Variants in NKD2 observed in about 807,000 individuals in gnomAD.
NKD2 encodes protein naked cuticle homolog 2.
A neutral mutation model predicts 34.8 loss-of-function variants in NKD2; 43 were observed. That is an observed-to-expected ratio of 1.24 (90% CI 0.97 to 1.60). The LOEUF is 1.60. Among genes scored for constraint, NKD2 ranks in the 40% most tolerant of loss-of-function variants. The pLI, the probability that NKD2 is intolerant of heterozygous loss-of-function variation, is 0.00. For missense variants in NKD2, 675 were observed against 627.1 expected (o/e 1.08, Z -0.82); for synonymous variants, 278 against 265.1 (o/e 1.05, Z -0.47).
chr5:1,027,710 C>T (rs986166823), intron 3 of NKD2, among the ~76,000 whole-genome samples: 6 of 152,328 alleles, frequency 3.9e-5, no homozygotes, highest in Non-Finnish European at 7.3e-5. Context: ...TGTTTCCCAC[C>T]GGGCGTTCCA....
chr5:1,035,540 CCCGCAGG>C lies in NKD2; in HGVS notation c.659+70_659+76del, dbSNP rs955170378. The C allele has an allele frequency of 1.9e-5, 25 of 1,287,802 alleles. 1 individual carries two copies. The highest frequency in any genetic ancestry group is 6.4e-5 in the South Asian group (5 of 77,970). 79.8% of individuals were successfully genotyped at this position (1,287,802 alleles called of 1,614,324 possible). On this transcript the variant is annotated intron_variant, in intron 8 of 9. Coordinates refer to ENST00000296849, the MANE Select transcript of NKD2 (RefSeq NM_033120.4). ...GGGCACCCTGGCCACACCCCTGCTT[CCCGCAGG>C]CCACAGGCCACAGGCCACACACCAT... is the stretch of plus-strand genomic sequence containing the variant.
chr5:1,038,695 G>T lies in NKD2; in HGVS notation c.*322G>T. The stretch of plus-strand genomic sequence containing the variant: ...TTTGATTCCAAAATGAGGCCCTGGA[G>T]TGCGCAAGGAGTGCCCGGATGCTTG... On this transcript the variant is annotated 3_prime_UTR_variant, in exon 10 of 10. Coordinates refer to ENST00000296849, the MANE Select transcript of NKD2 (RefSeq NM_033120.4). This position sits in a 1 kb window ranked among gnomAD's most constrained non-coding sequence, Gnocchi z 4.5. 1 of 595,766 alleles carries T rather than the reference G, an allele frequency of 1.7e-6. No homozygotes were observed. Among genetic ancestry groups the T allele is most frequent in the Non-Finnish European group, 3.0e-6 (1 of 330,848 alleles). 36.9% of individuals were successfully genotyped at this position (595,766 alleles called of 1,614,324 possible).
chr5:1,033,276 T>C, intron 4 of NKD2, 96 bp from the exon 5 acceptor site: 2 of 1,181,276 alleles, frequency 1.7e-6, no homozygotes, highest in Non-Finnish European at 1.2e-6. Flanking sequence ...GACAGGATCA[T>C]GGTGTGGTGA....
intron 3 of NKD2, among the ~76,000 whole-genome samples, chr5:1,031,352 G>A (rs370709251): frequency 6.7e-4 from 102 of 152,298 alleles, no homozygotes; most frequent in African/African-American, 1.3e-3. Flanking sequence ...GGCTCTGGCC[G>A]TCCAGGTGGA....
In NKD2 at chr5:1,027,593, G is replaced by A. The variant is rs373577598; in HGVS notation, c.142-4559G>A. ...GGGATGCTCCCAGCCTGGCCTCCTG[G>A]ACACGCTGTGGCCTTTGCCTGTTGA... is the stretch of plus-strand genomic sequence containing the variant. On this transcript the variant is annotated intron_variant, in intron 3 of 9. Coordinates refer to ENST00000296849, the MANE Select transcript of NKD2 (RefSeq NM_033120.4). 2.1e-4 allele frequency among the ~76,000 whole-genome samples: 32 copies of A among 152,300 alleles called. No homozygotes were observed. The South Asian group carries it at 5.8e-3, about 28-fold the overall frequency.
At chr5:1,021,291 G>C (rs925269595) in intron 3 of NKD2, among the ~76,000 whole-genome samples, 2 of 151,558 alleles carry the variant, frequency 1.3e-5, no homozygotes, top group Non-Finnish European at 2.9e-5. Context: ...TGGGAAGCCC[G>C]GCTCCCCTGC....
chr5:1,034,908 G>A lies in NKD2; in HGVS notation c.574+5G>A, dbSNP rs560151720. The stretch of plus-strand genomic sequence containing the variant: ...AGGGTCCTCCTGCTGGCCAGGGTGA[G>A]TGAGGCCTGGGCACACACAGAGGAC... On this transcript the variant is annotated splice_donor_5th_base_variant and intron_variant, in intron 7 of 9. Coordinates refer to ENST00000296849, the MANE Select transcript of NKD2 (RefSeq NM_033120.4). 2.5e-6 allele frequency: 4 copies of A among 1,605,076 alleles called. No individual in the cohort carries two copies. The South Asian group carries it at 3.3e-5, about 13-fold the overall frequency.
intron 3 of NKD2, among the ~76,000 whole-genome samples, chr5:1,019,262 C>G (rs75724198): frequency 1.3e-5 from 2 of 152,210 alleles, no homozygotes; most frequent in Admixed American, 6.5e-5. Flanking sequence ...TCCCGAGAAC[C>G]CTGCAGCCTC....
chr5:1,020,736 C>CA (rs1337581141), intron 3 of NKD2, among the ~76,000 whole-genome samples: 1 of 151,042 alleles, frequency 6.6e-6, no homozygotes, highest in South Asian at 2.1e-4. Context: ...CAGGGCAGCC[C>CA]TGGGCCTGTC....
At chr5:1,034,040 G>A in intron 5 of NKD2, 195 bp from the exon 6 acceptor site, 2 of 594,592 alleles carry the variant, frequency 3.4e-6, no homozygotes, top group Non-Finnish European at 6.0e-6. Context: ...GTCCCCCCAA[G>A]AAGGGCTGGA....
intron 3 of NKD2, among the ~76,000 whole-genome samples, chr5:1,031,212 A>G (rs1021677194): frequency 1.3e-5 from 2 of 152,132 alleles, no homozygotes; most frequent in Admixed American, 1.3e-4. Flanking sequence ...GATGAGGGGC[A>G]CATGACCCCT....
At chr5:1,030,239 CT>C (rs1305097019) in intron 3 of NKD2, among the ~76,000 whole-genome samples, 1 of 152,050 alleles carries the variant, frequency 6.6e-6, no homozygotes, top group Non-Finnish European at 1.5e-5. Flanking sequence ...GGCTGCCCCC[CT>C]CCACAGTGAC....
rs987330097 is a variant in NKD2, at chr5:1,019,580, G to A, written c.141+10020G>A. 3.3e-5 allele frequency among the ~76,000 whole-genome samples: 5 copies of A among 152,198 alleles called. No homozygotes were observed. In the East Asian group the frequency reaches 7.7e-4, roughly 23 times the overall value. ...TGAGATTGTCGCGTGCAGGGCATGCGACGGGGGTGCTTTAGAGAAAGAAAA... is the reference window on the plus strand; with the variant it reads ...TGAGATTGTCGCGTGCAGGGCATGCAACGGGGGTGCTTTAGAGAAAGAAAA... On this transcript the variant is annotated intron_variant, in intron 3 of 9. Coordinates refer to ENST00000296849, the MANE Select transcript of NKD2 (RefSeq NM_033120.4).
intron 6 of NKD2, 112 bp downstream of exon 6, chr5:1,034,442 G>T (rs1326476250): frequency 1.1e-6 from 1 of 886,874 alleles, no homozygotes; most frequent in Non-Finnish European, 1.8e-6. Context: ...CTGCTGCGAG[G>T]TCCTCATGCC....
At chr5:1,037,399 T>C (rs1031045690) in intron 9 of NKD2, 1 of 898,332 alleles carries the variant, frequency 1.1e-6, no homozygotes, top group Non-Finnish European at 1.7e-6. Flanking sequence ...CACTGCACGT[T>C]GTGAAGGTGG....
At chr5:1,034,665 A>G in intron 6 of NKD2, 91 bp from the exon 7 acceptor site, 1 of 1,313,656 alleles carries the variant, frequency 7.6e-7, no homozygotes, top group Non-Finnish European at 1.1e-6. Flanking sequence ...TGGCATAGGA[A>G]GGGGCGGGGG....
At chr5:1,021,960 C>A (rs950871119) in intron 3 of NKD2, among the ~76,000 whole-genome samples, 17 of 152,302 alleles carry the variant, frequency 1.1e-4, no homozygotes, top group Admixed American at 1.0e-3. Context: ...CCGCCTGCAG[C>A]CTGCTGCGAC....
chr5:1,020,555 C>T lies in NKD2; in HGVS notation c.141+10995C>T, dbSNP rs117189656. ...GCGCTCACAGCTTCCCCCTCCCATC[C>T]GCGTCGGTTAATGCGGGTAAAGTGC... On this transcript the variant is annotated intron_variant, in intron 3 of 9. Transcript: ENST00000296849. 1.1e-4 allele frequency among the ~76,000 whole-genome samples: 17 copies of T among 152,204 alleles called. 1 individual carries two copies. In the East Asian group the frequency reaches 3.3e-3, roughly 29 times the overall value.
intron 3 of NKD2, among the ~76,000 whole-genome samples, chr5:1,028,909 G>A (rs186208865): frequency 1.4e-3 from 216 of 152,320 alleles, no homozygotes; most frequent in African/African-American, 4.3e-3. Flanking sequence ...GGTGGGTGCC[G>A]GGGCACATTG....
Sources: allele counts gnomAD v4.1 joint callset (sites outside exome capture counted in the v4.1 genomes callset), GRCh38; gene constraint gnomAD v4.1.1; non-coding constraint Gnocchi (gnomAD v3.1); transcripts MANE v1.5; gene names NCBI Gene and HGNC (gene_info 2026-07-23, HGNC 2026-07-21).